The following NINL variants were observed in gnomAD, a reference collection of about 807,000 sequenced individuals.
NINL encodes the protein ninein-like protein.
In NINL, 153 loss-of-function variants were observed where a neutral mutation model predicts 160.3. The observed-to-expected ratio is 0.95, with a 90% CI of 0.84 to 1.09. The LOEUF (loss-of-function observed/expected upper bound fraction) is 1.09. Ranked by LOEUF, NINL falls within the 50% of genes least tolerant of loss-of-function variation. The pLI is 0.00. For missense variants in NINL, 1,829 were observed against 1,764.0 expected, an observed-to-expected ratio of 1.04 and a Z score of -0.66; for synonymous variants, 800 against 734.8, an observed-to-expected ratio of 1.09 and a Z score of -1.43.
At chr20:25,555,668 C>T (rs2064856875) in intron 1 of NINL, among the ~76,000 whole-genome samples, 1 of 152,014 alleles carries the variant, frequency 6.6e-6, no homozygotes, top group Admixed American at 6.6e-5. Context: ...GAGTTTGAGA[C>T]TAGCCTGGGC....
chr20:25,460,300 T>C (rs536790735), intron 21 of NINL, among the ~76,000 whole-genome samples: 1 of 152,306 alleles, frequency 6.6e-6, no homozygotes, highest in South Asian at 2.1e-4. Context: ...AGCTTCCTGA[T>C]GCTGACTGGA....
rs533770922 is a variant in NINL, at chr20:25,458,579, C to T, written c.3697-50G>A. ...CTGGTGGGGCTGCTGAGACGCGGCA[C>T]AGAGGAGCACCCTCTCCATCCAAGG... On this transcript the variant is annotated intron_variant, in intron 21 of 23. Coordinates refer to ENST00000278886, the MANE Select transcript of NINL (RefSeq NM_025176.6). The T allele has an allele frequency of 2.7e-6, 4 of 1,483,668 alleles. No homozygotes were observed. In the South Asian group the frequency reaches 5.3e-5, roughly 20 times the overall value. The allele number at this position is 1,483,668 out of a possible 1,614,324, so 91.9% of individuals were successfully genotyped here. A position where few individuals can be genotyped will look rare whatever the true frequency, so the allele number is the denominator to read the frequency against.
rs201048471 is a variant in NINL at position 25,476,853 on chromosome 20, C to T, written c.2438G>A (p.Arg813His). ...GGAGGGCCCGTCCACTCGCTTCCCGCGGGCAAGCTCCAACTCCTCCTCCTC... is the reference window on the plus strand; with the variant it reads ...GGAGGGCCCGTCCACTCGCTTCCCGTGGGCAAGCTCCAACTCCTCCTCCTC... ...ALEEEELELA[R>H]GKRVDGPSLE... is the part of the protein sequence containing the mutation. Residue 813 changes from arginine (R) to histidine (H), a missense_variant, in exon 17 of 24, where the codon CGC becomes CAC. By Grantham distance (29) the Arg-to-His change is conservative. Transcript: ENST00000278886. 36 of 1,613,378 alleles carry T rather than the reference C, an allele frequency of 2.2e-5. No individual in the cohort carries two copies. In the Middle Eastern group the frequency reaches 5.0e-4, roughly 22 times the overall value.
chr20:25,489,240 G>A lies in NINL; in HGVS notation c.1677+4C>T, dbSNP rs754161805. The A allele has an allele frequency of 5.6e-6, 9 of 1,613,778 alleles. No individual in the cohort carries two copies. The highest frequency in any genetic ancestry group is 3.3e-5 in the South Asian group (3 of 91,080). ...ACTAAAAGGCAGACAGAGCAGGCAC[G>A]TACCCGGCACTTGAGCTCGTATTCC... On this transcript the variant is annotated splice_donor_region_variant and intron_variant, in intron 13 of 23. Coordinates refer to ENST00000278886, the MANE Select transcript of NINL (RefSeq NM_025176.6).
chr20:25,534,860 G>A (rs892907611), intron 1 of NINL, among the ~76,000 whole-genome samples: 11 of 152,064 alleles, frequency 7.2e-5, no homozygotes, highest in East Asian at 1.9e-4. Context: ...TCTAGATTAC[G>A]TATAATACCT....
chr20:25,515,437 G>A lies in NINL; in HGVS notation c.277+2316C>T, dbSNP rs538582399. 1.1e-4 allele frequency among the ~76,000 whole-genome samples: 16 copies of A among 152,296 alleles called. 1 individual carries two copies. The East Asian group carries it at 2.9e-3, about 28-fold the overall frequency. On this transcript the variant is annotated intron_variant, in intron 3 of 23. Coordinates refer to ENST00000278886, the MANE Select transcript of NINL (RefSeq NM_025176.6). ...TATTCTACAGGCTCATAGGCGGAAG[G>A]GACTTGCCTTGTCTCAGATGAGACT...
intron 13 of NINL, among the ~76,000 whole-genome samples, chr20:25,483,162 G>A (rs189346880): frequency 1.4e-5 from 2 of 145,262 alleles, no homozygotes; most frequent in South Asian, 2.1e-4. Flanking sequence ...GCGAAACCCC[G>A]GTCTCTACTA....
intron 1 of NINL, among the ~76,000 whole-genome samples, chr20:25,532,825 C>T (rs1332056061): frequency 6.6e-6 from 1 of 152,222 alleles, no homozygotes; most frequent in Non-Finnish European, 1.5e-5. Flanking sequence ...CGAGGAGGTA[C>T]TGTCTCCTCC....
At chr20:25,504,258 G>C (rs978191213) in intron 6 of NINL, among the ~76,000 whole-genome samples, 154 bp from the exon 7 acceptor site, 1 of 152,104 alleles carries the variant, frequency 6.6e-6, no homozygotes, top group Non-Finnish European at 1.5e-5. Flanking sequence ...AGACCATGCG[G>C]GCTATATTTT....
intron 21 of NINL, 193 bp from the exon 22 acceptor site, chr20:25,458,722 G>A (rs973198233): frequency 4.8e-6 from 3 of 621,748 alleles, no homozygotes; most frequent in Non-Finnish European, 8.4e-6. Flanking sequence ...GTCAGCCAGC[G>A]CTTCCACACA....
At chr20:25,515,330 G>T (rs2064141782) in intron 3 of NINL, among the ~76,000 whole-genome samples, 1 of 152,192 alleles carries the variant, frequency 6.6e-6, no homozygotes, top group Non-Finnish European at 1.5e-5. Context: ...CTTTGTTTTG[G>T]CCAATTTCTC....
At chr20:25,550,544 G>A (rs983136323) in intron 1 of NINL, among the ~76,000 whole-genome samples, 1 of 152,122 alleles carries the variant, frequency 6.6e-6, no homozygotes, top group South Asian at 2.1e-4. Context: ...ATACTATCTC[G>A]GTGAGGGGGA....
chr20:25,515,003 T>C (rs769230248), intron 3 of NINL, among the ~76,000 whole-genome samples: 1 of 152,170 alleles, frequency 6.6e-6, no homozygotes, highest in Non-Finnish European at 1.5e-5. Flanking sequence ...AGGGGAAATA[T>C]GGGGTTGGGG....
chr20:25,461,409 C>A, intron 21 of NINL, 113 bp downstream of exon 21: 2 of 669,970 alleles, frequency 3.0e-6, no homozygotes, highest in Non-Finnish European at 5.1e-6. Context: ...CTGTGCCCAG[C>A]AGCGCAACTA....
At chr20:25,487,613 T>C (rs1233909854) in intron 13 of NINL, among the ~76,000 whole-genome samples, 1 of 152,208 alleles carries the variant, frequency 6.6e-6, no homozygotes, top group African/African-American at 2.4e-5. Flanking sequence ...GAAAAAAATG[T>C]TTCTGTACAA....
chr20:25,503,317 CAGG>C (rs2063903160), intron 7 of NINL, among the ~76,000 whole-genome samples: 1 of 146,934 alleles, frequency 6.8e-6, no homozygotes, highest in African/African-American at 2.5e-5. Flanking sequence ...CCTGTAACCC[CAGG>C]AGGTGGGCAC....
intron 1 of NINL, among the ~76,000 whole-genome samples, chr20:25,532,924 C>T (rs1281121066): frequency 6.7e-6 from 1 of 149,324 alleles, no homozygotes; most frequent in Non-Finnish European, 1.5e-5. Context: ...CATGACCAAC[C>T]TTAGCAAATG....
chr20:25,548,510 C>A (rs1181015197), intron 1 of NINL, among the ~76,000 whole-genome samples: 2 of 152,126 alleles, frequency 1.3e-5, no homozygotes, highest in Non-Finnish European at 2.9e-5. Flanking sequence ...CAGGGCTGAC[C>A]TCGGCACCCA....
At chr20:25,461,438 G>T (rs2062782570) in intron 21 of NINL, 84 bp downstream of exon 21, 2 of 793,686 alleles carry the variant, frequency 2.5e-6, no homozygotes, top group Non-Finnish European at 4.1e-6. Context: ...GGCTGGAGGA[G>T]GCCTGGCAAC....
Sources: gnomAD v4.1 joint callset for allele counts (sites outside exome capture counted in the v4.1 genomes callset) on GRCh38, gnomAD v4.1.1 for gene constraint, MANE v1.5 for transcripts, NCBI Gene and HGNC (gene_info 2026-07-23, HGNC 2026-07-21) for gene names.